The following SRBD1 variants were observed in gnomAD, a reference collection of about 807,000 sequenced individuals.
The protein encoded by SRBD1 is S1 RNA binding domain 1.
A neutral mutation model predicts 115.3 loss-of-function variants in SRBD1; 88 were observed. That is an observed-to-expected ratio of 0.76 (90% CI 0.64 to 0.91). The LOEUF (loss-of-function observed/expected upper bound fraction) is 0.91, where lower values mean the gene tolerates loss of function less well. Ranked by LOEUF, SRBD1 falls within the 40% of genes least tolerant of loss-of-function variation. The pLI, the probability that SRBD1 is intolerant of heterozygous loss-of-function variation, is 0.00. For synonymous variants in SRBD1, 509 were observed against 407.7 expected, an observed-to-expected ratio of 1.25 and a Z score of -2.99; for missense variants, 1,385 against 1,177.4, an observed-to-expected ratio of 1.18 and a Z score of -2.58.
chr2:45,590,048 G>T (rs1356923859), intron 4 of SRBD1, among the ~76,000 whole-genome samples: 1 of 152,224 alleles, frequency 6.6e-6, no homozygotes, highest in African/African-American at 2.4e-5. Context: ...AAACAGGGAG[G>T]CAGGAATTCC....
At chr2:45,417,905 C>T (rs753332747) in intron 18 of SRBD1, among the ~76,000 whole-genome samples, 28 of 152,324 alleles carry the variant, frequency 1.8e-4, no homozygotes, top group Admixed American at 3.9e-4. Context: ...TTCCTGAATA[C>T]ACCAAAGTTG....
intron 6 of SRBD1, among the ~76,000 whole-genome samples, chr2:45,580,281 AG>A (rs1449463465): frequency 2.0e-5 from 3 of 152,122 alleles, no homozygotes; most frequent in Admixed American, 6.5e-5. Flanking sequence ...TGGACTGCAA[AG>A]TCCTCAACTC....
At chr2:45,608,722 G>C (rs371012733) in intron 1 of SRBD1, among the ~76,000 whole-genome samples, 1 of 151,892 alleles carries the variant, frequency 6.6e-6, no homozygotes, top group Admixed American at 6.6e-5. Flanking sequence ...TGGAACTCTT[G>C]ATGACCATTT....
intron 5 of SRBD1, 33 bp downstream of exon 5, chr2:45,585,575 T>C: frequency 2.5e-6 from 4 of 1,584,358 alleles, no homozygotes; most frequent in Non-Finnish European, 3.4e-6. Flanking sequence ...CTTTTCCCCT[T>C]ACACTAGGCT....
intron 15 of SRBD1, among the ~76,000 whole-genome samples, chr2:45,484,599 A>G (rs1008942029): frequency 1.3e-5 from 2 of 152,220 alleles, no homozygotes; most frequent in African/African-American, 4.8e-5. Context: ...TGAAATTCCC[A>G]TAACATATAA....
At chr2:45,574,411 G>A (rs895652205) in intron 8 of SRBD1, among the ~76,000 whole-genome samples, 1 of 152,128 alleles carries the variant, frequency 6.6e-6, no homozygotes, top group Non-Finnish European at 1.5e-5. Flanking sequence ...GGGTGAGTAG[G>A]CAGAGTTCCA....
chr2:45,561,046 G>A (rs1269970132), intron 10 of SRBD1, among the ~76,000 whole-genome samples: 4 of 152,102 alleles, frequency 2.6e-5, no homozygotes, highest in East Asian at 1.9e-4. Flanking sequence ...GATTGAGGCT[G>A]TAGTGAGCTA....
At chr2:45,501,265 A>T (rs943460401) in intron 14 of SRBD1, among the ~76,000 whole-genome samples, 6 of 152,204 alleles carry the variant, frequency 3.9e-5, no homozygotes, top group African/African-American at 1.2e-4. Context: ...TTTTAAAAAA[A>T]TTTTTTGATT....
intron 16 of SRBD1, among the ~76,000 whole-genome samples, 189 bp from the exon 17 acceptor site, chr2:45,420,083 T>C (rs1667951776): frequency 6.6e-6 from 1 of 152,220 alleles, no homozygotes; most frequent in South Asian, 2.1e-4. Flanking sequence ...TTTTAAGCTA[T>C]GCATATATAC....
At position 45,599,726 on chromosome 2, in the gene SRBD1, G is replaced by A. The variant is rs1162384399; in HGVS notation, c.371C>T (p.Pro124Leu). 3.7e-6 allele frequency: 6 copies of A among 1,614,142 alleles called. No individual in the cohort carries two copies. Among genetic ancestry groups the A allele is most frequent in the Non-Finnish European group, 5.1e-6 (6 of 1,180,042 alleles). ...AKTKQKCAAQPHTVRRTKKLK... is the reference protein window; with the variant it reads ...AKTKQKCAAQLHTVRRTKKLK... ...CTTTTTAGTCCTTCGAACTGTATGTGGCTGCGCTGCACATTTCTGTTTTGT... is the reference window on the plus strand; with the variant it reads ...CTTTTTAGTCCTTCGAACTGTATGTAGCTGCGCTGCACATTTCTGTTTTGT... Residue 124 changes from proline (P) to leucine (L), a missense_variant, in exon 4 of 21, where the codon CCA becomes CTA. Pro to Leu is a moderately conservative substitution (Grantham distance 98). Transcript: ENST00000263736.
chr2:45,472,987 C>T (rs1669696406), intron 16 of SRBD1, among the ~76,000 whole-genome samples: 1 of 151,002 alleles, frequency 6.6e-6, no homozygotes, highest in African/African-American at 2.4e-5. Flanking sequence ...GTCTCTTGCA[C>T]ATATGTAAGT....
At position 45,534,442 on chromosome 2, in the gene SRBD1, A is replaced by G. The variant is rs1671704102; in HGVS notation, c.1874+12290T>C. ...AATAAAGAAAAGGCAACAAAATTCT[A>G]GAATGTCACAGTACATCATCTCAAG... On this transcript the variant is annotated intron_variant, in intron 14 of 20. Transcript: ENST00000263736. Among the ~76,000 whole-genome samples, 15 of 152,130 alleles carry G rather than the reference A, an allele frequency of 9.9e-5. 1 individual carries two copies. In the South Asian group the frequency reaches 3.1e-3, roughly 32 times the overall value.
intron 3 of SRBD1, among the ~76,000 whole-genome samples, chr2:45,600,934 C>A (rs1674072481): frequency 2.6e-5 from 4 of 152,096 alleles, no homozygotes; most frequent in African/African-American, 9.7e-5. Flanking sequence ...AACCTGCCAC[C>A]ACCACCATCT....
chr2:45,537,910 G>A (rs1290795559), intron 14 of SRBD1, among the ~76,000 whole-genome samples: 1 of 152,210 alleles, frequency 6.6e-6, no homozygotes, highest in African/African-American at 2.4e-5. Flanking sequence ...GAGAATAGGT[G>A]CAAGCCTAAG....
intron 1 of SRBD1, among the ~76,000 whole-genome samples, chr2:45,610,729 C>G (rs1272862268): frequency 1.3e-5 from 2 of 152,168 alleles, no homozygotes; most frequent in African/African-American, 4.8e-5. Flanking sequence ...GAAAAGGGTG[C>G]TTCCTCTCCC....
At chr2:45,585,961 A>G (rs1194127220) in intron 4 of SRBD1, among the ~76,000 whole-genome samples, 187 bp from the exon 5 acceptor site, 4 of 152,216 alleles carry the variant, frequency 2.6e-5, no homozygotes, top group African/African-American at 7.2e-5. Flanking sequence ...TAAAATAGCC[A>G]TTTCACAAAT....
chr2:45,534,094 TA>T (rs1671693261), intron 14 of SRBD1, among the ~76,000 whole-genome samples: 1 of 151,948 alleles, frequency 6.6e-6, no homozygotes, highest in Admixed American at 6.6e-5. Flanking sequence ...ACAAAACTGG[TA>T]AAACATTTTA....
intron 11 of SRBD1, 63 bp downstream of exon 11, chr2:45,553,560 T>C (rs1672370837): frequency 9.6e-7 from 1 of 1,042,574 alleles, no homozygotes; most frequent in Non-Finnish European, 1.4e-6. Context: ...CTACACACTG[T>C]AATGGTACTA....
intron 16 of SRBD1, among the ~76,000 whole-genome samples, chr2:45,468,506 G>T (rs1669558180): frequency 6.6e-6 from 1 of 151,238 alleles, no homozygotes; most frequent in African/African-American, 2.4e-5. Flanking sequence ...TTTCACCTCA[G>T]CCTCCCCAGT....
Sources: gnomAD v4.1 joint callset for allele counts (sites outside exome capture counted in the v4.1 genomes callset) on GRCh38, gnomAD v4.1.1 for gene constraint, MANE v1.5 for transcripts, NCBI Gene and HGNC (gene_info 2026-07-23, HGNC 2026-07-21) for gene names.